Variants in INPP4B observed in about 807,000 individuals in gnomAD.
INPP4B encodes inositol polyphosphate 4-phosphatase type II.
INPP4B carries 55 observed loss-of-function variants against 122.5 expected under a neutral mutation model. That is an observed-to-expected ratio of 0.45 (90% CI 0.36 to 0.56). The LOEUF (loss-of-function observed/expected upper bound fraction) is 0.56. Among genes scored for constraint, INPP4B ranks in the 20% least tolerant of loss-of-function variants. The probability of loss-of-function intolerance (pLI) is 0.00; values close to 1 mark genes in which losing one functional copy is unlikely to be tolerated. For missense variants in INPP4B, 1,000 were observed against 1,097.7 expected (o/e 0.91, Z 1.26); for synonymous variants, 403 against 388.7 (o/e 1.04, Z -0.43).
intron 7 of INPP4B, among the ~76,000 whole-genome samples, chr4:142,361,580 T>C (rs1032095434): frequency 4.6e-5 from 7 of 152,120 alleles, no homozygotes; most frequent in African/African-American, 1.7e-4. Context: ...TTGAATATTA[T>C]TGCTTAAAGA....
intron 24 of INPP4B, among the ~76,000 whole-genome samples, chr4:142,083,890 C>T (rs1775409214): frequency 6.6e-6 from 1 of 151,684 alleles, no homozygotes; most frequent in Non-Finnish European, 1.5e-5. Flanking sequence ...ATTAATATTC[C>T]TTAAAATTTA....
intron 17 of INPP4B, among the ~76,000 whole-genome samples, chr4:142,149,029 C>A (rs1440106284): frequency 6.6e-6 from 1 of 152,196 alleles, no homozygotes; most frequent in East Asian, 1.9e-4. Flanking sequence ...GGAGATGCTG[C>A]CTATCTGGTG....
chr4:142,807,691 A>G (rs1029564200), intron 1 of INPP4B, among the ~76,000 whole-genome samples: 2 of 152,138 alleles, frequency 1.3e-5, no homozygotes. Context: ...TTTGTGTCCT[A>G]CTCAGCAACA....
chr4:142,644,433 A>G (rs1295031844), intron 2 of INPP4B, among the ~76,000 whole-genome samples: 1 of 152,110 alleles, frequency 6.6e-6, no homozygotes, highest in Non-Finnish European at 1.5e-5. Flanking sequence ...ATGAAATTAT[A>G]TCAGGGGATA....
chr4:142,231,405 C>G (rs535864973), intron 12 of INPP4B, among the ~76,000 whole-genome samples: 1 of 152,262 alleles, frequency 6.6e-6, no homozygotes, highest in African/African-American at 2.4e-5. Context: ...CGGACTTATG[C>G]TTTCAGGTAT....
At position 142,658,724 on chromosome 4, in the gene INPP4B, C is replaced by T. The variant is rs1336288336; in HGVS notation, c.-191+67115G>A. ...AAGGGTATGCTTCCCTTTAAGTAGA[C>T]GATCTTGACTTGCAGAGCCAATAAA... is the stretch of plus-strand genomic sequence containing the variant. On this transcript the variant is annotated intron_variant, in intron 2 of 25. Transcript: ENST00000262992. 5.3e-5 allele frequency among the ~76,000 whole-genome samples: 8 copies of T among 152,202 alleles called. No homozygotes were observed. In the East Asian group the frequency reaches 1.2e-3, roughly 22 times the overall value.
In INPP4B at chr4:142,596,567, T is replaced by C. The variant is rs138026504; in HGVS notation, c.-191+129272A>G. Among the ~76,000 whole-genome samples the C allele has an allele frequency of 1.4e-4, 22 of 152,336 alleles. No individual in the cohort carries two copies. The East Asian group carries it at 3.7e-3, about 25-fold the overall frequency. On this transcript the variant is annotated intron_variant, in intron 2 of 25. Coordinates refer to ENST00000262992, the MANE Select transcript of INPP4B (RefSeq NM_001101669.3). ...TGACTCACATTTTGTTTTAAGCCAG[T>C]ATGTTTTGGTCAATTTGTTATATAA...
At chr4:142,216,494 C>G (rs1050941968) in intron 12 of INPP4B, among the ~76,000 whole-genome samples, 1 of 152,196 alleles carries the variant, frequency 6.6e-6, no homozygotes, top group Admixed American at 6.5e-5. Context: ...CAGGAAACAT[C>G]TAGTGCTCTA....
intron 7 of INPP4B, among the ~76,000 whole-genome samples, chr4:142,397,520 A>C (rs10006795): frequency 0.53 from 80,824 of 152,082 alleles, 24,145 homozygotes; most frequent in South Asian, 0.78. Flanking sequence ...ACCTTGTTTT[A>C]GTAATTGATC....
intron 9 of INPP4B, among the ~76,000 whole-genome samples, chr4:142,274,724 C>T (rs773051836): frequency 4.6e-5 from 7 of 151,714 alleles, no homozygotes; most frequent in Non-Finnish European, 1.0e-4. Context: ...CCTTTCCTAG[C>T]AATTCATGTA....
intron 14 of INPP4B, among the ~76,000 whole-genome samples, chr4:142,195,037 T>C (rs1837549287): frequency 6.6e-6 from 1 of 152,194 alleles, no homozygotes; most frequent in Non-Finnish European, 1.5e-5. Flanking sequence ...TGCAACAAAA[T>C]ATGCGGCATT....
chr4:142,099,521 T>C (rs767413154), intron 23 of INPP4B, among the ~76,000 whole-genome samples: 9 of 152,176 alleles, frequency 5.9e-5, no homozygotes, highest in Non-Finnish European at 1.2e-4. Flanking sequence ...TACTATGTAA[T>C]AGTCTAATGT....
intron 2 of INPP4B, among the ~76,000 whole-genome samples, chr4:142,627,019 T>C (rs1210980284): frequency 6.6e-6 from 1 of 152,036 alleles, no homozygotes; most frequent in Non-Finnish European, 1.5e-5. Flanking sequence ...CTGTATATTC[T>C]ATCACTGAAG....
chr4:142,809,162 G>A (rs1779200946), intron 1 of INPP4B, among the ~76,000 whole-genome samples: 1 of 151,730 alleles, frequency 6.6e-6, no homozygotes, highest in African/African-American at 2.4e-5. Context: ...GAGGGAAAAT[G>A]GTCAATATTT....
chr4:142,034,537 A>G (rs1370955001), intron 25 of INPP4B, among the ~76,000 whole-genome samples: 1 of 151,922 alleles, frequency 6.6e-6, no homozygotes, highest in Non-Finnish European at 1.5e-5. Context: ...AACAATGCCC[A>G]ACTCCCTTCC....
intron 1 of INPP4B, among the ~76,000 whole-genome samples, chr4:142,800,709 G>A (rs1365839973): frequency 6.6e-6 from 1 of 152,136 alleles, no homozygotes; most frequent in Non-Finnish European, 1.5e-5. Context: ...GTATAATACT[G>A]ACTTCTGTTT....
chr4:142,405,730 T>C (rs1251320069), intron 5 of INPP4B, among the ~76,000 whole-genome samples: 1 of 152,172 alleles, frequency 6.6e-6, no homozygotes, highest in Non-Finnish European at 1.5e-5. Flanking sequence ...TGACATGGGT[T>C]GGATTAGATC....
chr4:142,648,627 G>A (rs941702046), intron 2 of INPP4B, among the ~76,000 whole-genome samples: 16 of 152,170 alleles, frequency 1.1e-4, no homozygotes, highest in Admixed American at 2.6e-4. Context: ...AGGGGTGTCC[G>A]CAATTGCTGA....
rs769799344 is a variant in INPP4B, at chr4:142,086,213, T to C, written c.2418A>G (p.Leu806=). The C allele has an allele frequency of 1.3e-6, 2 of 1,595,606 alleles. No homozygotes were observed. The highest frequency in any genetic ancestry group is 1.7e-6 in the Non-Finnish European group (2 of 1,163,218). Residue 806 remains leucine (L), a synonymous_variant, in exon 24 of 26, where the codon CTA becomes CTG. Coordinates refer to ENST00000262992, the MANE Select transcript of INPP4B (RefSeq NM_001101669.3). Reference sequence around the variant, plus strand: ...ATTGGATATTTTGAAGGAGATTTTCTAGCAATGCTTTTAAATCATTTTGTT... The same window carrying C: ...ATTGGATATTTTGAAGGAGATTTTCCAGCAATGCTTTTAAATCATTTTGTT... ...FQEQNDLKAL[L]ENLLQNIQSK...
Sources: gnomAD v4.1 joint callset for allele counts (sites outside exome capture counted in the v4.1 genomes callset) on GRCh38, gnomAD v4.1.1 for gene constraint, MANE v1.5 for transcripts, NCBI Gene and HGNC (gene_info 2026-07-23, HGNC 2026-07-21) for gene names.